DENND1A: variants seen among roughly 807,000 people sequenced by gnomAD.
DENND1A encodes DENN domain-containing protein 1A.
Under a neutral mutation model 113.7 loss-of-function variants are expected in DENND1A, and 51 were observed. The observed-to-expected ratio is 0.45, with a 90% CI of 0.36 to 0.57. The LOEUF is 0.57. Ranked by LOEUF, DENND1A falls within the 20% of genes least tolerant of loss-of-function variation. DENND1A has a pLI of 0.00. For missense variants in DENND1A, 1,258 were observed against 1,395.9 expected, an observed-to-expected ratio of 0.90 and a Z score of 1.57; for synonymous variants, 565 against 570.8, an observed-to-expected ratio of 0.99 and a Z score of 0.14.
chr9:123,527,533 C>T (rs550600776), intron 13 of DENND1A, among the ~76,000 whole-genome samples: 4 of 152,308 alleles, frequency 2.6e-5, no homozygotes, highest in South Asian at 2.1e-4. Flanking sequence ...CTATCCCTGG[C>T]TACCCCACTC....
At chr9:123,690,060 G>GGGAGGGAGGGAGGGAAGAAGGAAA (rs2065071563) in intron 5 of DENND1A, among the ~76,000 whole-genome samples, 1 of 124,438 alleles carries the variant, frequency 8.0e-6, no homozygotes, top group Non-Finnish European at 1.7e-5. Flanking sequence ...AAAGGAGGGA[G>GGGAGGGAGGGAGGGAAGAAGGAAA]GGAGGGAGGG....
chr9:123,426,126 G>A (rs563348121), intron 19 of DENND1A, among the ~76,000 whole-genome samples: 11 of 152,286 alleles, frequency 7.2e-5, no homozygotes, highest in Admixed American at 5.9e-4. Context: ...GGCTTGGTAG[G>A]GGTGGTGGTG....
chr9:123,501,277 C>G (rs2052458103), intron 13 of DENND1A, among the ~76,000 whole-genome samples: 1 of 152,180 alleles, frequency 6.6e-6, no homozygotes, highest in Admixed American at 6.5e-5. Flanking sequence ...AGAATTTCCT[C>G]TCTTTTTAAG....
rs1215095822 is a variant in DENND1A, at chr9:123,656,215, C to G, written c.508-4092G>C. Among the ~76,000 whole-genome samples the G allele has an allele frequency of 4.0e-5, 6 of 151,726 alleles. No individual in the cohort carries two copies. The South Asian group carries it at 1.3e-3, about 32-fold the overall frequency. ...GGCAAAGACAGGGTGGGGAGAGGAG[C>G]GCACACGCAGGGAAGAGAGTGAGAG... On this transcript the variant is annotated intron_variant, in intron 8 of 23. Coordinates refer to ENST00000394215, the MANE Select transcript of DENND1A (RefSeq NM_001352964.2).
chr9:123,709,764 G>C (rs894161028), intron 5 of DENND1A, among the ~76,000 whole-genome samples: 2 of 152,154 alleles, frequency 1.3e-5, no homozygotes, highest in African/African-American at 4.8e-5. Flanking sequence ...ACTCATGAAA[G>C]CTGCAAAATA....
intron 14 of DENND1A, 124 bp from the exon 15 acceptor site, chr9:123,457,559 T>G: frequency 1.2e-6 from 1 of 852,344 alleles, no homozygotes; most frequent in Non-Finnish European, 1.9e-6. Flanking sequence ...ACAGGCAAGT[T>G]TCTTTCTAAA....
intron 1 of DENND1A, among the ~76,000 whole-genome samples, chr9:123,909,031 A>G (rs2133995471): frequency 6.6e-6 from 1 of 152,360 alleles, no homozygotes; most frequent in South Asian, 2.1e-4. Context: ...AAAAATGATG[A>G]GTTCATGTCC....
chr9:123,622,378 A>G (rs764773826), intron 10 of DENND1A, among the ~76,000 whole-genome samples: 4 of 152,234 alleles, frequency 2.6e-5, no homozygotes, highest in African/African-American at 7.2e-5. Flanking sequence ...AGAAATTTAC[A>G]TGGGAAATAC....
intron 13 of DENND1A, among the ~76,000 whole-genome samples, chr9:123,538,322 G>A (rs2055952712): frequency 6.6e-6 from 1 of 152,144 alleles, no homozygotes. Flanking sequence ...AGAGATTTAC[G>A]TACATAAGCA....
At chr9:123,585,745 A>G (rs1351943635) in intron 11 of DENND1A, among the ~76,000 whole-genome samples, 4 of 152,144 alleles carry the variant, frequency 2.6e-5, no homozygotes, top group Admixed American at 6.5e-5. Context: ...CATTATCCCC[A>G]TTTCAGAGAT....
At chr9:123,724,007 C>T (rs995318333) in intron 5 of DENND1A, among the ~76,000 whole-genome samples, 1 of 152,178 alleles carries the variant, frequency 6.6e-6, no homozygotes, top group Non-Finnish European at 1.5e-5. Flanking sequence ...TAACACCCAC[C>T]ATATTCTAGT....
chr9:123,762,732 C>T (rs1233576335), intron 4 of DENND1A, among the ~76,000 whole-genome samples: 2 of 152,070 alleles, frequency 1.3e-5, no homozygotes, highest in Non-Finnish European at 2.9e-5. Context: ...AGTGGTATTA[C>T]AAAACCAAAG....
intron 5 of DENND1A, among the ~76,000 whole-genome samples, chr9:123,683,673 A>G (rs1204668590): frequency 6.6e-6 from 1 of 152,216 alleles, no homozygotes; most frequent in East Asian, 1.9e-4. Flanking sequence ...ACTAGACATT[A>G]AAACTCCCCA....
Position 123,770,742 on chromosome 9 carries a change from T to C in DENND1A, c.133-1179A>G, listed in dbSNP as rs1278677114. Among the ~76,000 whole-genome samples, 4 of 152,236 alleles carry C rather than the reference T, an allele frequency of 2.6e-5. No individual in the cohort carries two copies. In the East Asian group the frequency reaches 7.7e-4, roughly 29 times the overall value. On this transcript the variant is annotated intron_variant, in intron 3 of 23. Coordinates refer to ENST00000394215, the MANE Select transcript of DENND1A (RefSeq NM_001352964.2). ...GTTCAAATTAAAACAAACCTGCCCA[T>C]TGCAAACCCTAATCCAAGTGATAAA...
chr9:123,738,497 T>G (rs1188048271), intron 5 of DENND1A, among the ~76,000 whole-genome samples: 1 of 147,320 alleles, frequency 6.8e-6, no homozygotes, highest in Non-Finnish European at 1.5e-5. Context: ...ATGTTTTTGT[T>G]TGTTTGCTTT....
At chr9:123,737,411 C>T (rs1331633614) in intron 5 of DENND1A, among the ~76,000 whole-genome samples, 3 of 152,114 alleles carry the variant, frequency 2.0e-5, no homozygotes, top group Admixed American at 2.0e-4. Context: ...TGTTCTCGAA[C>T]TCCTGGGTTC....
intron 1 of DENND1A, among the ~76,000 whole-genome samples, chr9:123,927,143 G>A (rs1367505936): frequency 2.0e-5 from 3 of 152,110 alleles, no homozygotes; most frequent in Middle Eastern, 3.2e-3. Context: ...GGATTTCCAC[G>A]GTACCTGACA....
At chr9:123,534,838 C>T (rs1828736391) in intron 13 of DENND1A, among the ~76,000 whole-genome samples, 1 of 152,202 alleles carries the variant, frequency 6.6e-6, no homozygotes, top group Non-Finnish European at 1.5e-5. Flanking sequence ...TTTACATGAT[C>T]TTGGACGCCA....
At chr9:123,552,503 T>C (rs191331724) in intron 13 of DENND1A, among the ~76,000 whole-genome samples, 21 of 152,334 alleles carry the variant, frequency 1.4e-4, no homozygotes, top group Non-Finnish European at 2.4e-4. Context: ...GCACTGTGAC[T>C]GCAGTAACCT....
Sources: allele counts gnomAD v4.1 joint callset (sites outside exome capture counted in the v4.1 genomes callset), GRCh38; gene constraint gnomAD v4.1.1; transcripts MANE v1.5; gene names NCBI Gene and HGNC (gene_info 2026-07-23, HGNC 2026-07-21).